Variants in CACNB2 observed in about 807,000 individuals in gnomAD.
CACNB2 encodes voltage-dependent L-type calcium channel subunit beta-2.
In CACNB2, 42 loss-of-function variants were observed where a neutral mutation model predicts 73.3. The observed-to-expected ratio is 0.57, with a 90% CI of 0.45 to 0.74. CACNB2 has a LOEUF of 0.74. CACNB2 is among the 30% of genes least tolerant of loss of function. CACNB2 has a pLI of 0.00. For synonymous variants in CACNB2, 348 were observed against 310.3 expected, an observed-to-expected ratio of 1.12 and a Z score of -1.28; for missense variants, 940 against 853.0, an observed-to-expected ratio of 1.10 and a Z score of -1.27.
At chr10:18,258,249 T>C (rs563874147) in intron 2 of CACNB2, among the ~76,000 whole-genome samples, 1 of 152,336 alleles carries the variant, frequency 6.6e-6, no homozygotes, top group African/African-American at 2.4e-5. Context: ...ATCTCTCTCA[T>C]ATTGTGTATA....
At chr10:18,149,783 C>A (rs983563733) in intron 1 of CACNB2, among the ~76,000 whole-genome samples, 1 of 152,132 alleles carries the variant, frequency 6.6e-6, no homozygotes, top group African/African-American at 2.4e-5. Flanking sequence ...ACGCTTTAGT[C>A]CAGTTTGTTT....
At chr10:18,220,198 T>TGA (rs2035698419) in intron 2 of CACNB2, among the ~76,000 whole-genome samples, 1 of 19,552 alleles carries the variant, frequency 5.1e-5, no homozygotes, top group Non-Finnish European at 8.2e-5. Context: ...TATATATGTG[T>TGA]GTGTATATAT....
rs1041026714 is a variant in CACNB2, at chr10:18,160,226, T to G, written c.213+9251T>G. Among the ~76,000 whole-genome samples, 52 of 152,186 alleles carry G rather than the reference T, an allele frequency of 3.4e-4. 2 individuals are homozygous for G. Among genetic ancestry groups the G allele is most frequent in the Non-Finnish European group, 7.3e-5 (5 of 68,028 alleles). On this transcript the variant is annotated intron_variant, in intron 2 of 13. Transcript: ENST00000324631. ...AAAAATCTTCCTCATTCATATATTA[T>G]TTTTAGGTATTTGGAACACTTTATA...
At chr10:18,519,467 C>T (rs2051621795) in intron 9 of CACNB2, among the ~76,000 whole-genome samples, 1 of 152,184 alleles carries the variant, frequency 6.6e-6, no homozygotes, top group Admixed American at 6.5e-5. Context: ...GCATGTTTGC[C>T]TGCATGCTCT....
At chr10:18,317,583 G>A (rs1022368481) in intron 2 of CACNB2, among the ~76,000 whole-genome samples, 1 of 152,180 alleles carries the variant, frequency 6.6e-6, no homozygotes, top group African/African-American at 2.4e-5. Context: ...TTTTATGGCT[G>A]CATAGTATCC....
intron 2 of CACNB2, among the ~76,000 whole-genome samples, chr10:18,222,458 G>C (rs1355758770): frequency 1.4e-5 from 2 of 143,970 alleles, no homozygotes; most frequent in East Asian, 4.0e-4. Flanking sequence ...TGCGAAATAA[G>C]AACACAGACT....
intron 2 of CACNB2, among the ~76,000 whole-genome samples, chr10:18,169,454 C>T (rs940994374): frequency 6.6e-6 from 1 of 152,128 alleles, no homozygotes; most frequent in East Asian, 1.9e-4. Flanking sequence ...CCCATTACCT[C>T]ACAACCCAGA....
At chr10:18,310,925 T>C (rs145851531) in intron 2 of CACNB2, among the ~76,000 whole-genome samples, 358 of 152,292 alleles carry the variant, frequency 2.4e-3, no homozygotes, top group African/African-American at 8.3e-3. Context: ...ACCTCCACTT[T>C]AGTCTTCAAA....
chr10:18,454,452 A>G (rs2047169577), intron 3 of CACNB2, among the ~76,000 whole-genome samples: 1 of 152,048 alleles, frequency 6.6e-6, no homozygotes, highest in African/African-American at 2.4e-5. Context: ...ACCACCGTGT[A>G]TTTTTCTAGG....
chr10:18,529,791 G>C (rs529616108), intron 10 of CACNB2, among the ~76,000 whole-genome samples: 1 of 152,170 alleles, frequency 6.6e-6, no homozygotes. Context: ...TTCGCTTATA[G>C]CAATTTCTTT....
chr10:18,212,180 C>T lies in CACNB2; in HGVS notation c.213+61205C>T, dbSNP rs534258219. ...TAGTTGTACGGTGTGCATATTTTTA[C>T]CTTTACTCAATATTGCACTTCTCCA... On this transcript the variant is annotated intron_variant, in intron 2 of 13. Coordinates refer to ENST00000324631, the MANE Select transcript of CACNB2 (RefSeq NM_201596.3). Among the ~76,000 whole-genome samples, 4 of 152,240 alleles carry T rather than the reference C, an allele frequency of 2.6e-5. No individual in the cohort carries two copies. The East Asian group carries it at 5.8e-4, about 22-fold the overall frequency.
chr10:18,480,271 A>AT (rs146705177), intron 3 of CACNB2, among the ~76,000 whole-genome samples: 64,112 of 151,148 alleles, frequency 0.42, 13,981 homozygotes, highest in South Asian at 0.64. Context: ...TTCACTTTTA[A>AT]TTGTTTTTTT....
At chr10:18,260,680 T>C in intron 2 of CACNB2, 2 of 990,510 alleles carry the variant, frequency 2.0e-6, no homozygotes, top group South Asian at 4.6e-5. Context: ...CCCAAAACGT[T>C]ACAGAGGTAA....
intron 3 of CACNB2, among the ~76,000 whole-genome samples, chr10:18,432,831 T>G (rs2045952838): frequency 8.8e-6 from 1 of 113,170 alleles, no homozygotes; most frequent in South Asian, 2.9e-4. Context: ...CAGCCCTGTC[T>G]AAAAAAACAA....
At chr10:18,284,324 T>G (rs931043349) in intron 2 of CACNB2, among the ~76,000 whole-genome samples, 17 of 152,128 alleles carry the variant, frequency 1.1e-4, no homozygotes, top group Admixed American at 2.6e-4. Context: ...AATTACCTCC[T>G]ACCAGGTCCC....
At chr10:18,170,591 A>G (rs145020992) in intron 2 of CACNB2, among the ~76,000 whole-genome samples, 7 of 152,346 alleles carry the variant, frequency 4.6e-5, no homozygotes, top group African/African-American at 1.7e-4. Flanking sequence ...TCTTCGTGAT[A>G]AAACCACGCC....
At chr10:18,340,988 G>A (rs778210303) in intron 2 of CACNB2, 16 of 1,613,758 alleles carry the variant, frequency 9.9e-6, no homozygotes, top group South Asian at 4.4e-5. Flanking sequence ...GTAAGCATAC[G>A]GGAGAGAAGC....
chr10:18,304,477 A>G lies in CACNB2; in HGVS notation c.214-97447A>G, dbSNP rs16917162. Among the ~76,000 whole-genome samples, 1,449 of 152,212 alleles carry G rather than the reference A, an allele frequency of 9.5e-3. 23 individuals are homozygous for G. The highest frequency in any genetic ancestry group is 0.033 in the African/African-American group (1,360 of 41,532). On this transcript the variant is annotated intron_variant, in intron 2 of 13. Transcript: ENST00000324631. The stretch of plus-strand genomic sequence containing the variant: ...ATTGAAAACATTGTTTGTTTCCCCA[A>G]ATTTCCAGGTGAAGGATAAGCCTGT...
chr10:18,250,834 C>G (rs2037060026), intron 2 of CACNB2, among the ~76,000 whole-genome samples: 1 of 152,222 alleles, frequency 6.6e-6, no homozygotes, highest in South Asian at 2.1e-4. Flanking sequence ...CAGGTCTGCT[C>G]TTACTCCTGA....
Sources: gnomAD v4.1 joint callset for allele counts (sites outside exome capture counted in the v4.1 genomes callset) on GRCh38, gnomAD v4.1.1 for gene constraint, MANE v1.5 for transcripts, NCBI Gene and HGNC (gene_info 2026-07-23, HGNC 2026-07-21) for gene names.